The following FARP1 variants were observed in gnomAD, a reference collection of about 807,000 sequenced individuals.
The protein encoded by FARP1 is FERM, ARH/RhoGEF and pleckstrin domain protein 1, also known as FERM, ARHGEF and pleckstrin domain-containing protein 1.
FARP1 carries 52 observed loss-of-function variants against 128.8 expected under a neutral mutation model. The observed-to-expected ratio is 0.40, with a 90% CI of 0.32 to 0.51. The LOEUF is 0.51. Ranked by LOEUF, FARP1 falls within the 20% of genes least tolerant of loss-of-function variation. The pLI is 0.45. For missense variants in FARP1, 1,333 were observed against 1,367.9 expected, an observed-to-expected ratio of 0.97 and a Z score of 0.40; for synonymous variants, 580 against 551.8, an observed-to-expected ratio of 1.05 and a Z score of -0.72.
At chr13:98,398,829 T>A (rs1398649319) in intron 13 of FARP1, 2 of 152,152 alleles carry the variant, frequency 1.3e-5, no homozygotes, top group African/African-American at 2.4e-5. Flanking sequence ...TTCCCTCTAA[T>A]TATACAGCAG....
chr13:98,435,287 G>C (rs975110447), intron 18 of FARP1: 2 of 223,228 alleles, frequency 9.0e-6, no homozygotes, highest in Non-Finnish European at 1.7e-5. Flanking sequence ...TTCTTCCCCC[G>C]TGTCTTTCCC....
chr13:98,385,946 C>T (rs565339764), intron 8 of FARP1, 132 bp downstream of exon 8: 3 of 910,830 alleles, frequency 3.3e-6, no homozygotes, highest in East Asian at 2.6e-5. Flanking sequence ...AAAAATTAAC[C>T]TCATCTCAGG....
chr13:98,359,107 T>C lies in FARP1; in HGVS notation c.277-6288T>C, dbSNP rs373121290. Among the ~76,000 whole-genome samples the C allele has an allele frequency of 6.4e-4, 98 of 152,352 alleles. 1 individual carries two copies. The South Asian group carries it at 0.02, about 31-fold the overall frequency. The stretch of plus-strand genomic sequence containing the variant: ...GTAGTTAAGAAGAGAACTGAACTTT[T>C]GTTGAGTCCTTTAGCTTTGGAGGGA... On this transcript the variant is annotated intron_variant, in intron 3 of 26. Coordinates refer to ENST00000319562, the MANE Select transcript of FARP1 (RefSeq NM_005766.4).
chr13:98,152,190 GC>G (rs1876061402), intron 1 of FARP1, among the ~76,000 whole-genome samples: 1 of 152,100 alleles, frequency 6.6e-6, no homozygotes, highest in South Asian at 2.1e-4. Flanking sequence ...CTGCCCCTCG[GC>G]ATGTTGATTT....
chr13:98,250,682 C>T (rs192587243), intron 2 of FARP1, among the ~76,000 whole-genome samples: 115 of 151,698 alleles, frequency 7.6e-4, no homozygotes, highest in African/African-American at 2.8e-3. Flanking sequence ...GATCACACCA[C>T]TGCACTCTAG....
intron 1 of FARP1, among the ~76,000 whole-genome samples, chr13:98,166,646 T>C (rs1280792676): frequency 6.6e-6 from 1 of 152,056 alleles, no homozygotes; most frequent in Non-Finnish European, 1.5e-5. Context: ...AGGCTGTTTT[T>C]CCCAAACCGG....
chr13:98,439,253 C>T (rs567215654), intron 21 of FARP1, 57 bp downstream of exon 21: 47 of 1,199,050 alleles, frequency 3.9e-5, no homozygotes, highest in African/African-American at 2.6e-4. Flanking sequence ...CAGGTGCGGG[C>T]GCTGCTGACC....
chr13:98,299,188 A>C (rs1370776125), intron 2 of FARP1, among the ~76,000 whole-genome samples: 2 of 152,240 alleles, frequency 1.3e-5, no homozygotes, highest in Non-Finnish European at 2.9e-5. Flanking sequence ...CAACTAAAAA[A>C]AGCCACAGTT....
chr13:98,416,016 C>T (rs1267685524), intron 16 of FARP1, among the ~76,000 whole-genome samples: 7 of 152,248 alleles, frequency 4.6e-5, no homozygotes, highest in South Asian at 2.1e-4. Flanking sequence ...TACTGCGCTG[C>T]GCAGAGAAAG....
At chr13:98,293,331 G>A (rs971990477) in intron 2 of FARP1, among the ~76,000 whole-genome samples, 1 of 152,268 alleles carries the variant, frequency 6.6e-6, no homozygotes. Flanking sequence ...AAGTGACATT[G>A]TTCTCATAGC....
At chr13:98,421,207 C>G (rs774647155) in intron 16 of FARP1, among the ~76,000 whole-genome samples, 1 of 152,206 alleles carries the variant, frequency 6.6e-6, no homozygotes, top group South Asian at 2.1e-4. Flanking sequence ...TAGAGAGATA[C>G]GGATGTGGGA....
intron 2 of FARP1, among the ~76,000 whole-genome samples, chr13:98,295,856 C>T (rs1451199532): frequency 6.6e-6 from 1 of 152,118 alleles, no homozygotes; most frequent in Non-Finnish European, 1.5e-5. Context: ...TTCTGAGAGT[C>T]CTTTCTTCCC....
rs1221239373 is a variant in FARP1, at chr13:98,449,302, A to ATATCGTGCCTGTCTT, written c.*986_*1000dup. ...GAAACTGCGCATTCTCTAGTAGTATATATCGTGCCTGTCTTCAAAAACATT... is the reference window on the plus strand; with the variant it reads ...GAAACTGCGCATTCTCTAGTAGTATATATCGTGCCTGTCTTTATCGTGCCTGTCTTCAAAAACATT... On this transcript the variant is annotated 3_prime_UTR_variant, in exon 27 of 27. Transcript: ENST00000319562. 2 of 152,342 alleles carry ATATCGTGCCTGTCTT rather than the reference A, an allele frequency of 1.3e-5. No homozygotes were observed. The highest frequency in any genetic ancestry group is 1.3e-4 in the Admixed American group (2 of 15,308). The allele number at this position is 152,342 out of a possible 1,614,324, so 9.4% of individuals were successfully genotyped here.
chr13:98,161,174 G>T (rs1039229563), intron 1 of FARP1, among the ~76,000 whole-genome samples: 1 of 148,088 alleles, frequency 6.8e-6, no homozygotes, highest in Admixed American at 6.7e-5. Flanking sequence ...TTATACATAC[G>T]TTTTGTGAAT....
At chr13:98,195,688 G>A (rs900357237) in intron 1 of FARP1, among the ~76,000 whole-genome samples, 2 of 152,096 alleles carry the variant, frequency 1.3e-5, no homozygotes, top group African/African-American at 4.8e-5. Context: ...TAATGGAAGG[G>A]AGAAGGGTTT....
At position 98,176,019 on chromosome 13, in the gene FARP1, T is replaced by C; in HGVS notation, c.-24+32527T>C. 4.0e-6 allele frequency: 3 copies of C among 747,288 alleles called. No homozygotes were observed. Among genetic ancestry groups the C allele is most frequent in the Admixed American group, 2.6e-5 (1 of 38,506 alleles). The allele number at this position is 747,288 out of a possible 1,614,324, so 46.3% of individuals were successfully genotyped here. On this transcript the variant is annotated intron_variant, in intron 1 of 26. Transcript: ENST00000319562. This position sits in a 1 kb window ranked among gnomAD's most constrained non-coding sequence, Gnocchi z 6.2. The stretch of plus-strand genomic sequence containing the variant: ...TTTGCAAATAATTCTGCAGTGAACA[T>C]GGGAGTGCACATACCTCTTTGAGAT...
chr13:98,209,484 T>G (rs1218109168), intron 1 of FARP1, among the ~76,000 whole-genome samples: 1 of 148,634 alleles, frequency 6.7e-6, no homozygotes, highest in Non-Finnish European at 1.5e-5. Context: ...TTTTTTTTTT[T>G]TTTTTTTTTT....
chr13:98,161,457 TC>T (rs1876878999), intron 1 of FARP1, among the ~76,000 whole-genome samples: 1 of 152,036 alleles, frequency 6.6e-6, no homozygotes. Context: ...CCTCAAAAGA[TC>T]CGCCCGCCTC....
chr13:98,368,325 G>A, intron 5 of FARP1, 130 bp downstream of exon 5: 1 of 639,550 alleles, frequency 1.6e-6, no homozygotes, highest in South Asian at 2.2e-5. Context: ...GTACTGAACA[G>A]TTTAACCTTC....
Sources: gnomAD v4.1 joint callset for allele counts (sites outside exome capture counted in the v4.1 genomes callset) on GRCh38, gnomAD v4.1.1 for gene constraint, Gnocchi (gnomAD v3.1) non-coding constraint, MANE v1.5 for transcripts, NCBI Gene and HGNC (gene_info 2026-07-23, HGNC 2026-07-21) for gene names.